CTNNA2: variants seen among roughly 807,000 people sequenced by gnomAD.
CTNNA2 encodes catenin alpha-2.
In CTNNA2, 42 loss-of-function variants were observed where a neutral mutation model predicts 101.0. The ratio of observed to expected loss-of-function variants is 0.42; its 90% CI spans 0.32 to 0.54. The LOEUF (loss-of-function observed/expected upper bound fraction) is 0.54. Ranked by LOEUF, CTNNA2 falls within the 20% of genes least tolerant of loss-of-function variation. The pLI is 0.14. For synonymous variants in CTNNA2, 450 were observed against 456.4 expected, an observed-to-expected ratio of 0.99 and a Z score of 0.18; for missense variants, 871 against 1,223.1, an observed-to-expected ratio of 0.71 and a Z score of 4.29.
intron 9 of CTNNA2, among the ~76,000 whole-genome samples, chr2:80,454,190 G>A (rs1249272361): frequency 6.6e-6 from 1 of 152,156 alleles, no homozygotes; most frequent in East Asian, 1.9e-4. Flanking sequence ...ACAATTGATT[G>A]TATTGAGCAT....
At chr2:79,944,684 T>C (rs1267930804) in intron 7 of CTNNA2, among the ~76,000 whole-genome samples, 1 of 152,196 alleles carries the variant, frequency 6.6e-6, no homozygotes, top group Non-Finnish European at 1.5e-5. Context: ...CTTTGAAATA[T>C]ACCAACATCT....
intron 1 of CTNNA2, among the ~76,000 whole-genome samples, chr2:79,555,874 G>C (rs1674414825): frequency 6.6e-6 from 1 of 152,012 alleles, no homozygotes; most frequent in Admixed American, 6.6e-5. Flanking sequence ...AAATATTGTT[G>C]TTGACAGTTT....
chr2:80,327,361 C>A (rs1032998435), intron 7 of CTNNA2, among the ~76,000 whole-genome samples: 2 of 152,298 alleles, frequency 1.3e-5, no homozygotes, highest in East Asian at 1.9e-4. Context: ...ATTTGGTGGT[C>A]TGCAAATGCT....
chr2:80,409,812 C>A (rs10190500), intron 8 of CTNNA2, among the ~76,000 whole-genome samples: 18,147 of 152,124 alleles, frequency 0.12, 3,242 homozygotes, highest in African/African-American at 0.39. Flanking sequence ...AAAATCCTGA[C>A]TAAAACTGTG....
At chr2:80,210,249 A>C (rs1364831585) in intron 7 of CTNNA2, among the ~76,000 whole-genome samples, 13 of 152,194 alleles carry the variant, frequency 8.5e-5, no homozygotes, top group Admixed American at 2.6e-4. Flanking sequence ...GTTCTAGGGT[A>C]CAAGTGCACA....
intron 2 of CTNNA2, among the ~76,000 whole-genome samples, chr2:79,299,339 A>G (rs1184043088): frequency 2.0e-5 from 3 of 152,190 alleles, no homozygotes; most frequent in Non-Finnish European, 2.9e-5. Flanking sequence ...ACCTGTCAGC[A>G]TTATTCTGAT....
chr2:79,561,630 G>A (rs951947131), intron 1 of CTNNA2, among the ~76,000 whole-genome samples: 1 of 151,780 alleles, frequency 6.6e-6, no homozygotes, highest in Non-Finnish European at 1.5e-5. Context: ...AGCCATGGTA[G>A]TGAGTGTGAA....
At chr2:79,431,730 C>T (rs1012466362) in intron 4 of CTNNA2, among the ~76,000 whole-genome samples, 1 of 152,146 alleles carries the variant, frequency 6.6e-6, no homozygotes, top group African/African-American at 2.4e-5. Flanking sequence ...ATAGGCAGAA[C>T]ATACCTCCTT....
chr2:79,509,265 A>G (rs1671484186), upstream of CTNNA2, among the ~76,000 whole-genome samples: 1 of 152,006 alleles, frequency 6.6e-6, no homozygotes, highest in African/African-American at 2.4e-5. Context: ...GATACATAAT[A>G]AATATAGTGA....
At chr2:80,450,339 TA>T (rs1427141915) in intron 9 of CTNNA2, among the ~76,000 whole-genome samples, 2 of 152,184 alleles carry the variant, frequency 1.3e-5, no homozygotes, top group African/African-American at 4.8e-5. Context: ...GACCATTTAT[TA>T]CATCTTGAAC....
intron 18 of CTNNA2, among the ~76,000 whole-genome samples, chr2:80,626,432 C>T (rs1671690895): frequency 6.6e-6 from 1 of 151,996 alleles, no homozygotes; most frequent in African/African-American, 2.4e-5. Context: ...ATGTTAGTAC[C>T]CTCTAAGGAG....
intron 3 of CTNNA2, among the ~76,000 whole-genome samples, chr2:79,844,931 A>T (rs1337060027): frequency 6.6e-6 from 1 of 150,648 alleles, no homozygotes; most frequent in Non-Finnish European, 1.5e-5. Context: ...CATCTCTCAA[A>T]GTCATGATTA....
chr2:80,304,666 G>A (rs186057704), intron 7 of CTNNA2: 2,044 of 153,518 alleles, frequency 0.013, 28 homozygotes, highest in Middle Eastern at 0.068. Flanking sequence ...GCGGCGCGGG[G>A]AGCGGCGAGC....
intron 4 of CTNNA2, among the ~76,000 whole-genome samples, chr2:79,504,858 ACTT>A (rs928293474): frequency 1.1e-4 from 17 of 152,128 alleles, no homozygotes; most frequent in African/African-American, 3.9e-4. Flanking sequence ...TTATTTGACT[ACTT>A]TGCCGCTTTT....
intron 3 of CTNNA2, among the ~76,000 whole-genome samples, chr2:79,334,016 A>C (rs1025764761): frequency 6.6e-5 from 10 of 152,280 alleles, no homozygotes; most frequent in African/African-American, 2.4e-4. Context: ...CATTTATACA[A>C]TGTGTAATGA....
intron 7 of CTNNA2, among the ~76,000 whole-genome samples, chr2:80,188,151 C>G (rs1706252327): frequency 6.6e-6 from 1 of 152,156 alleles, no homozygotes; most frequent in Non-Finnish European, 1.5e-5. Flanking sequence ...TTTATCTATG[C>G]TAAAATGCAT....
intron 7 of CTNNA2, among the ~76,000 whole-genome samples, chr2:80,063,780 A>G (rs1200578776): frequency 6.6e-6 from 1 of 152,222 alleles, no homozygotes; most frequent in Non-Finnish European, 1.5e-5. Context: ...TCAACACTGA[A>G]TTTATATTTG....
At position 80,635,654 on chromosome 2, in the gene CTNNA2, G is replaced by A. The variant is rs551896144; in HGVS notation, c.2575-11931G>A. Reference sequence around the variant, plus strand: ...TAATTGGAGCAATGATTGCACAGGTGACATGAGTCAAATCATAGCCCTCTC... The same window carrying A: ...TAATTGGAGCAATGATTGCACAGGTAACATGAGTCAAATCATAGCCCTCTC... On this transcript the variant is annotated intron_variant, in intron 18 of 18. Transcript: ENST00000402739. 2.0e-4 allele frequency among the ~76,000 whole-genome samples: 30 copies of A among 152,238 alleles called. No individual in the cohort carries two copies. The South Asian group carries it at 6.2e-3, about 32-fold the overall frequency.
intron 1 of CTNNA2, among the ~76,000 whole-genome samples, chr2:79,636,269 C>CAAAAAAAAAAAA (rs57739991): frequency 1.5e-5 from 1 of 67,260 alleles, no homozygotes; most frequent in Non-Finnish European, 3.2e-5. Flanking sequence ...GACTCTGTCT[C>CAAAAAAAAAAAA]AAAAAAAAAA....
Sources: allele counts gnomAD v4.1 joint callset (sites outside exome capture counted in the v4.1 genomes callset), GRCh38; gene constraint gnomAD v4.1.1; transcripts MANE v1.5; gene names NCBI Gene and HGNC (gene_info 2026-07-23, HGNC 2026-07-21).